The following PAF1 variants were observed in gnomAD, a reference collection of about 807,000 sequenced individuals.
The protein encoded by PAF1 is PAF1 component of Paf1/RNA polymerase II complex, also known as RNA polymerase II-associated factor 1 homolog.
A neutral mutation model predicts 68.4 loss-of-function variants in PAF1; 31 were observed. The ratio of observed to expected loss-of-function variants is 0.45; its 90% CI spans 0.34 to 0.61. The LOEUF (loss-of-function observed/expected upper bound fraction) is 0.61. PAF1 is among the 20% of genes least tolerant of loss of function. PAF1 has a pLI of 0.01. For missense variants in PAF1, 435 were observed against 692.9 expected, an observed-to-expected ratio of 0.63 and a Z score of 4.18; for synonymous variants, 256 against 240.5, an observed-to-expected ratio of 1.06 and a Z score of -0.60.
rs2078234476 is a variant in PAF1, at chr19:39,385,856, G to A, written c.*135C>T. The A allele has an allele frequency of 1.1e-5, 14 of 1,326,784 alleles. No individual in the cohort carries two copies. The highest frequency in any genetic ancestry group is 1.5e-5 in the African/African-American group (1 of 68,492). 82.2% of individuals were successfully genotyped at this position (1,326,784 alleles called of 1,614,324 possible). A position where few individuals can be genotyped will look rare whatever the true frequency, so the allele number is the denominator to read the frequency against. On this transcript the variant is annotated 3_prime_UTR_variant, in exon 14 of 14. Transcript: ENST00000221265. ...CATAGGGGCTGGGAGGGGAAGTAAA[G>A]AGAAGTTGACTTTATTAACAGCAAA...
In PAF1 at chr19:39,389,866, G is replaced by A; in HGVS notation, c.171-105C>T. The A allele has an allele frequency of 6.8e-7, 1 of 1,474,884 alleles. No individual in the cohort carries two copies. Among genetic ancestry groups the A allele is most frequent in the Non-Finnish European group, 9.4e-7 (1 of 1,058,664 alleles). The allele number at this position is 1,474,884 out of a possible 1,614,324, so 91.4% of individuals were successfully genotyped here. On this transcript the variant is annotated intron_variant, in intron 3 of 13. Coordinates refer to ENST00000221265, the MANE Select transcript of PAF1 (RefSeq NM_019088.4). This position sits in a 1 kb window ranked among gnomAD's most constrained non-coding sequence, Gnocchi z 5.3. ...TCTGGGGAGGAACTCAGAATGAAGT[G>A]TCCCCCATGGCAGAGTCTGAAAGCT...
intron 11 of PAF1, among the ~76,000 whole-genome samples, chr19:39,388,001 C>T (rs956495196): frequency 2.6e-5 from 4 of 152,120 alleles, no homozygotes; most frequent in African/African-American, 9.7e-5. Context: ...ATTAGCTGGC[C>T]ATGCTGGCAC....
In PAF1 at chr19:39,390,191, C is replaced by T. The variant is rs776863764; in HGVS notation, c.78-30G>A. The T allele has an allele frequency of 3.7e-6, 6 of 1,611,896 alleles. No homozygotes were observed. In the African/African-American group the frequency reaches 4.0e-5, roughly 11 times the overall value. ...GAACATTAGTGGCTCAAAAGTGGGC[C>T]CCCGCTGCCCCACCTCTGCTCCCAG... On this transcript the variant is annotated intron_variant, in intron 2 of 13. Transcript: ENST00000221265.
rs750632862 is a variant in PAF1 at position 39,389,650 on chromosome 19, G to A, written c.282C>T (p.Ile94=). 9 of 1,614,094 alleles carry A rather than the reference G, an allele frequency of 5.6e-6. No individual in the cohort carries two copies. The highest frequency in any genetic ancestry group is 4.5e-5 in the East Asian group (2 of 44,896). The part of the protein sequence containing the change: ...IDLINPDTYR[I]DPNVLLDPAD... ...TGTCTCCCCACACACCATTGGGGTC[G>A]ATGCGGTAGGTGTCAGGATTGATGA... Residue 94 remains isoleucine, a synonymous_variant, in exon 4 of 14, where the codon ATC becomes ATT. Coordinates refer to ENST00000221265, the MANE Select transcript of PAF1 (RefSeq NM_019088.4). The surrounding 1 kb of genome is among the most constrained non-coding windows in gnomAD (Gnocchi z 5.3).
In PAF1 at chr19:39,390,053, C is replaced by T; in HGVS notation, c.170+16G>A. The T allele has an allele frequency of 5.0e-6, 8 of 1,599,570 alleles. No homozygotes were observed. Among genetic ancestry groups the T allele is most frequent in the Non-Finnish European group, 6.9e-6 (8 of 1,166,874 alleles). On this transcript the variant is annotated intron_variant, in intron 3 of 13. Coordinates refer to ENST00000221265, the MANE Select transcript of PAF1 (RefSeq NM_019088.4). ...GGAACTCATACCTGAGTAGTTTTCC[C>T]ATTCCTTAGTCTCACCTGTTCTGGT...
In PAF1 at chr19:39,389,248, C is replaced by T; in HGVS notation, c.461+34G>A. On this transcript the variant is annotated intron_variant, in intron 6 of 13. Coordinates refer to ENST00000221265, the MANE Select transcript of PAF1 (RefSeq NM_019088.4). The surrounding 1 kb of genome is among the most constrained non-coding windows in gnomAD (Gnocchi z 5.3). ...AGGGGCCACTGGACACACCTAATAT[C>T]TCCACCTTCCCTCTCTTCCTGTTAG... 1 of 1,607,768 alleles carries T rather than the reference C, an allele frequency of 6.2e-7. No homozygotes were observed.
rs749305890 is a variant in PAF1 at position 39,386,793 on chromosome 19, G to A, written c.993C>T (p.Arg331=). Residue 331 remains arginine, a synonymous_variant, in exon 12 of 14, where the codon CGC becomes CGT. Transcript: ENST00000221265. The surrounding 1 kb of genome is among the most constrained non-coding windows in gnomAD (Gnocchi z 6.1). Reference sequence around the variant, plus strand: ...CAGCCTTGGCCCGGCGCTTACTAAGGCGGACCCTGCAGGGGGTGAATTTGG... The same window carrying A: ...CAGCCTTGGCCCGGCGCTTACTAAGACGGACCCTGCAGGGGGTGAATTTGG... ...VYYNELETRV[R]LSKRRAKAGV... The A allele has an allele frequency of 6.2e-7, 1 of 1,612,224 alleles. No individual in the cohort carries two copies. Among genetic ancestry groups the A allele is most frequent in the African/African-American group, 1.3e-5 (1 of 74,988 alleles).
In PAF1 at chr19:39,386,407, G is replaced by A. The variant is rs1324636352; in HGVS notation, c.1184-4C>T. 1 of 1,614,018 alleles carries A rather than the reference G, an allele frequency of 6.2e-7. No individual in the cohort carries two copies. Among genetic ancestry groups the A allele is most frequent in the Admixed American group, 1.7e-5 (1 of 60,018 alleles). ...CTGCCCTTCTCCTGCTCCTCATCTG[G>A]AAGGGAGTGGAGAGAGATGAAACCC... On this transcript the variant is annotated splice_polypyrimidine_tract_variant and splice_region_variant and intron_variant, in intron 13 of 13. Transcript: ENST00000221265. This position sits in a 1 kb window ranked among gnomAD's most constrained non-coding sequence, Gnocchi z 6.1.
Position 39,386,252 on chromosome 19 carries a change from C to T in PAF1, c.1335G>A (p.Arg445=). The T allele has an allele frequency of 1.2e-6, 2 of 1,614,168 alleles. No homozygotes were observed. The highest frequency in any genetic ancestry group is 1.7e-6 in the Non-Finnish European group (2 of 1,180,038). ...AGATCTCCTCTTTGTCACGGGCAGC[C>T]CGGGCCTCATCCTCGCTGCTCTCGT... is the stretch of plus-strand genomic sequence containing the variant. The part of the protein sequence containing the change: ...GEDESSEDEA[R]AARDKEEIFG... Residue 445 remains arginine, a synonymous_variant, in exon 14 of 14, where the codon CGG becomes CGA. Transcript: ENST00000221265. This position sits in a 1 kb window ranked among gnomAD's most constrained non-coding sequence, Gnocchi z 6.1.
Position 39,388,543 on chromosome 19 carries a change from A to C in PAF1, c.857+17T>G. 6.2e-7 allele frequency: 1 copy of C among 1,613,842 alleles called. No individual in the cohort carries two copies. The highest frequency in any genetic ancestry group is 8.5e-7 in the Non-Finnish European group (1 of 1,179,840). On this transcript the variant is annotated intron_variant, in intron 10 of 13. Transcript: ENST00000221265. ...CAAAACTTCCCAATCCCCAAAACTT[A>C]ACCGCAACCCACGCACACATCATCT...
rs758206371 is a variant in PAF1, at chr19:39,388,310, G to A, written c.986+29C>T. ...CAGGGTCTTAAGAAGCACAGATCCA[G>A]GCTAATCAGATAGGAGTGTGCTGAG... On this transcript the variant is annotated intron_variant, in intron 11 of 13. Transcript: ENST00000221265. 13 of 1,613,108 alleles carry A rather than the reference G, an allele frequency of 8.1e-6. No individual in the cohort carries two copies. In the South Asian group the frequency reaches 8.8e-5, roughly 11 times the overall value.
Position 39,389,016 on chromosome 19 carries a change from C to G in PAF1, c.568-1G>C. 1 of 1,614,146 alleles carries G rather than the reference C, an allele frequency of 6.2e-7. No individual in the cohort carries two copies. The highest frequency in any genetic ancestry group is 8.5e-7 in the Non-Finnish European group (1 of 1,179,996). The stretch of plus-strand genomic sequence containing the variant: ...GGGGTTTGCTGTAATGCTGTGAGAT[C>G]TGGTGGAACAAAAACAAGGTGAGGA... On this transcript the variant is annotated splice_acceptor_variant, in intron 7 of 13. Transcript: ENST00000221265. LOFTEE classifies it high-confidence loss of function. This position sits in a 1 kb window ranked among gnomAD's most constrained non-coding sequence, Gnocchi z 5.3.
chr19:39,389,867 TC>T lies in PAF1; in HGVS notation c.171-107del. On this transcript the variant is annotated intron_variant, in intron 3 of 13. Transcript: ENST00000221265. The surrounding 1 kb of genome is among the most constrained non-coding windows in gnomAD (Gnocchi z 5.3). ...CTGGGGAGGAACTCAGAATGAAGTGTCCCCCATGGCAGAGTCTGAAAGCTGG... is the reference window on the plus strand; with the variant it reads ...CTGGGGAGGAACTCAGAATGAAGTGTCCCCATGGCAGAGTCTGAAAGCTGG... The T allele has an allele frequency of 1.4e-6, 2 of 1,478,116 alleles. No homozygotes were observed. Among genetic ancestry groups the T allele is most frequent in the Non-Finnish European group, 1.9e-6 (2 of 1,061,844 alleles). The allele number at this position is 1,478,116 out of a possible 1,614,324, so 91.6% of individuals were successfully genotyped here.
In PAF1 at chr19:39,389,769, G is replaced by A. The variant is rs780908914; in HGVS notation, c.171-8C>T. Reference sequence around the variant, plus strand: ...GCTTTGTACTGGACGAACCTGGGTGGGGAAACACCTATTGTGGTGTTTGGA... The same window carrying A: ...GCTTTGTACTGGACGAACCTGGGTGAGGAAACACCTATTGTGGTGTTTGGA... On this transcript the variant is annotated splice_polypyrimidine_tract_variant and splice_region_variant and intron_variant, in intron 3 of 13. Coordinates refer to ENST00000221265, the MANE Select transcript of PAF1 (RefSeq NM_019088.4). This position sits in a 1 kb window ranked among gnomAD's most constrained non-coding sequence, Gnocchi z 5.3. 6.2e-7 allele frequency: 1 copy of A among 1,614,044 alleles called. No individual in the cohort carries two copies. The highest frequency in any genetic ancestry group is 8.5e-7 in the Non-Finnish European group (1 of 1,180,000).
In PAF1 at chr19:39,390,888, G is replaced by A. The variant is rs1357135305; in HGVS notation, c.-24C>T. ...ATAGCGACGAGGCGACGGCAGCCCGGACGGGGTCCTAGCGGGACCGAAGGG... is the reference window on the plus strand; with the variant it reads ...ATAGCGACGAGGCGACGGCAGCCCGAACGGGGTCCTAGCGGGACCGAAGGG... On this transcript the variant is annotated 5_prime_UTR_variant, in exon 1 of 14. Coordinates refer to ENST00000221265, the MANE Select transcript of PAF1 (RefSeq NM_019088.4). 1 of 1,569,990 alleles carries A rather than the reference G, an allele frequency of 6.4e-7. No homozygotes were observed. The highest frequency in any genetic ancestry group is 8.6e-7 in the Non-Finnish European group (1 of 1,157,298).
chr19:39,390,768 AC>A, intron 1 of PAF1, 49 bp downstream of exon 1: 1 of 1,540,874 alleles, frequency 6.5e-7, no homozygotes, highest in Non-Finnish European at 8.8e-7. Flanking sequence ...TTCAGCAGAA[AC>A]CCTCTCCCGA....
chr19:39,387,133 C>T (rs2078269776), intron 11 of PAF1: 8 of 438,314 alleles, frequency 1.8e-5, no homozygotes, highest in Admixed American at 6.4e-5. Flanking sequence ...CTTACACAAA[C>T]GTACATAGTA....
rs775466021 is a variant in PAF1, at chr19:39,386,486, G to A, written c.1179C>T (p.Gly393=). The A allele has an allele frequency of 6.8e-6, 11 of 1,614,000 alleles. No individual in the cohort carries two copies. Among genetic ancestry groups the A allele is most frequent in the East Asian group, 2.2e-5 (1 of 44,894 alleles). ...EMETEEKEAG[G]SDEEQEKGSS... Reference sequence around the variant, plus strand: ...GTCTGGCCTGTCCAGATTTACCTGAGCCCCCAGCTTCTTTCTCTTCTGTCT... The same window carrying A: ...GTCTGGCCTGTCCAGATTTACCTGAACCCCCAGCTTCTTTCTCTTCTGTCT... The change falls in exon 13 of 14, where the codon GGC becomes GGT. Residue 393 remains glycine (G), a synonymous_variant. Coordinates refer to ENST00000221265, the MANE Select transcript of PAF1 (RefSeq NM_019088.4). This position sits in a 1 kb window ranked among gnomAD's most constrained non-coding sequence, Gnocchi z 6.1.
rs1473430982 is a variant in PAF1, at chr19:39,390,917, C to A, written c.-53G>T. 9 of 1,530,704 alleles carry A rather than the reference C, an allele frequency of 5.9e-6. No homozygotes were observed. Among genetic ancestry groups the A allele is most frequent in the Non-Finnish European group, 6.2e-6 (7 of 1,129,738 alleles). The allele number at this position is 1,530,704 out of a possible 1,614,324, so 94.8% of individuals were successfully genotyped here. On this transcript the variant is annotated 5_prime_UTR_variant, in exon 1 of 14. Transcript: ENST00000221265. ...GGGTCCTAGCGGGACCGAAGGGGGA[C>A]GCAGAGGGGCGTGCCGACTTCAGGG... is the stretch of plus-strand genomic sequence containing the variant.
Sources: gnomAD v4.1 joint callset for allele counts (sites outside exome capture counted in the v4.1 genomes callset) on GRCh38, gnomAD v4.1.1 for gene constraint, Gnocchi (gnomAD v3.1) non-coding constraint, MANE v1.5 for transcripts, NCBI Gene and HGNC (gene_info 2026-07-23, HGNC 2026-07-21) for gene names.